Variants in CHD9 observed in about 807,000 individuals in gnomAD.
CHD9 encodes the protein chromodomain helicase DNA binding protein 9, also known as ATP-dependent chromatin remodeler CHD9.
In CHD9, 77 loss-of-function variants were observed where a neutral mutation model predicts 316.1. The observed-to-expected ratio is 0.24, with a 90% CI of 0.20 to 0.29. The LOEUF (loss-of-function observed/expected upper bound fraction) is 0.29. CHD9 is among the 10% of genes least tolerant of loss of function. The pLI is 1.00. For synonymous variants in CHD9, 1,129 were observed against 1,158.3 expected (o/e 0.97, Z 0.51); for missense variants, 2,763 against 3,438.1 (o/e 0.80, Z 4.91).
intron 24 of CHD9, among the ~76,000 whole-genome samples, chr16:53,284,474 A>T (rs1399099193): frequency 6.6e-5 from 10 of 152,080 alleles, no homozygotes; most frequent in South Asian, 2.1e-4. Context: ...AAATGACTTG[A>T]ATCACTGTGG....
At chr16:53,140,358 A>G (rs1301499186) in intron 1 of CHD9, among the ~76,000 whole-genome samples, 1 of 150,630 alleles carries the variant, frequency 6.6e-6, no homozygotes, top group Non-Finnish European at 1.5e-5. Flanking sequence ...CAGAGGTTGC[A>G]ATGAGCTGAG....
chr16:53,176,144 A>G (rs2043083978), intron 2 of CHD9, among the ~76,000 whole-genome samples: 1 of 152,198 alleles, frequency 6.6e-6, no homozygotes, highest in African/African-American at 2.4e-5. Context: ...ACTAAAATCA[A>G]GATGTCAATA....
intron 1 of CHD9, among the ~76,000 whole-genome samples, chr16:53,082,592 A>G: frequency 6.6e-6 from 1 of 152,192 alleles, no homozygotes; most frequent in Non-Finnish European, 1.5e-5. Context: ...AAAGAATTTT[A>G]AGGTTCTCAG....
At chr16:53,263,605 T>C (rs1393514838) in intron 20 of CHD9, among the ~76,000 whole-genome samples, 1 of 152,112 alleles carries the variant, frequency 6.6e-6, no homozygotes, top group Non-Finnish European at 1.5e-5. Flanking sequence ...GACACACTTG[T>C]CTAATAATTG....
At chr16:53,141,064 G>GT (rs1413258197) in intron 1 of CHD9, among the ~76,000 whole-genome samples, 1 of 152,058 alleles carries the variant, frequency 6.6e-6, no homozygotes, top group African/African-American at 2.4e-5. Flanking sequence ...AGATTTCTTT[G>GT]TTTTTTAAAA....
intron 13 of CHD9, among the ~76,000 whole-genome samples, chr16:53,243,513 A>G (rs1419342412): frequency 6.6e-6 from 1 of 152,136 alleles, no homozygotes; most frequent in Non-Finnish European, 1.5e-5. Flanking sequence ...GGGTTTCTCC[A>G]TGTTGGTCAG....
intron 2 of CHD9, among the ~76,000 whole-genome samples, chr16:53,180,012 A>ATTG (rs1235837824): frequency 6.7e-6 from 1 of 149,152 alleles, no homozygotes; most frequent in East Asian, 2.0e-4. Context: ...AAGTTCTTGA[A>ATTG]TTGTTACCTT....
At chr16:53,290,265 T>A (rs1276594228) in intron 27 of CHD9, among the ~76,000 whole-genome samples, 1 of 151,850 alleles carries the variant, frequency 6.6e-6, no homozygotes, top group Admixed American at 6.6e-5. Flanking sequence ...GGGAGACCTG[T>A]CTCAAAAAAA....
chr16:53,067,019 T>G (rs1044349733), intron 1 of CHD9, among the ~76,000 whole-genome samples: 11 of 152,228 alleles, frequency 7.2e-5, no homozygotes, highest in Middle Eastern at 3.2e-3. Flanking sequence ...CTTGGCTCAC[T>G]GCAACCTCTG....
intron 1 of CHD9, among the ~76,000 whole-genome samples, chr16:53,117,120 A>C (rs1004868260): frequency 6.6e-6 from 1 of 152,168 alleles, no homozygotes; most frequent in Non-Finnish European, 1.5e-5. Flanking sequence ...TAGCTAATGC[A>C]TGCTGGGATT....
intron 1 of CHD9, among the ~76,000 whole-genome samples, chr16:53,137,223 C>T (rs1271111027): frequency 1.3e-5 from 2 of 152,126 alleles, no homozygotes; most frequent in Admixed American, 6.5e-5. Context: ...CTGCCCGCCT[C>T]GGCCTCCCAA....
At chr16:53,204,446 A>G (rs981368937) in intron 2 of CHD9, among the ~76,000 whole-genome samples, 8 of 152,206 alleles carry the variant, frequency 5.3e-5, no homozygotes, top group Non-Finnish European at 1.0e-4. Flanking sequence ...TTCCTCATGA[A>G]GGAAAAGGCG....
In CHD9 at chr16:53,267,434, C is replaced by T. The variant is rs61756314; in HGVS notation, c.4461C>T (p.Ser1487=). 1.3e-5 allele frequency: 21 copies of T among 1,611,564 alleles called. No homozygotes were observed. Among genetic ancestry groups the T allele is most frequent in the Non-Finnish European group, 1.7e-5 (20 of 1,178,606 alleles). Residue 1487 remains serine (S), a synonymous_variant, in exon 21 of 39, where the codon TCC becomes TCT. Transcript: ENST00000447540. ...AACTCCGGAGACCCTGTGACCGTTC[C>T]AATGGCTATGGAAGAACTGAATGCT... ...KPKLRRPCDR[S]NGYGRTECFR...
At chr16:53,309,744 G>A (rs1203494528) in intron 34 of CHD9, among the ~76,000 whole-genome samples, 1 of 152,088 alleles carries the variant, frequency 6.6e-6, no homozygotes, top group Non-Finnish European at 1.5e-5. Context: ...TGAGATTACA[G>A]GCATGAGCCA....
rs773807323 is a variant in CHD9, at chr16:53,273,758, A to G, written c.4850A>G (p.Lys1617Arg). 1 of 1,613,192 alleles carries G rather than the reference A, an allele frequency of 6.2e-7. No individual in the cohort carries two copies. The highest frequency in any genetic ancestry group is 1.1e-5 in the South Asian group (1 of 91,036). Residue 1617 changes from lysine (K) to arginine (R), a missense_variant, in exon 23 of 39, where the codon AAA (lysine) becomes AGA (arginine). By Grantham distance (26) the Lys-to-Arg change is conservative. Coordinates refer to ENST00000447540, the MANE Select transcript of CHD9 (RefSeq NM_001308319.2). Reference protein sequence around the residue: ...PEQLLQDEGYKKHIKHHCNKV... With the variant: ...PEQLLQDEGYRKHIKHHCNKV... ...CAGCTCCTTCAAGATGAAGGCTACA[A>G]AAAACATATAAAACACCACTGTAAT... is the stretch of plus-strand genomic sequence containing the variant.
At chr16:53,315,918 G>GC (rs2056846845) in intron 36 of CHD9, among the ~76,000 whole-genome samples, 2 of 152,104 alleles carry the variant, frequency 1.3e-5, no homozygotes, top group Non-Finnish European at 2.9e-5. Context: ...TAGCTTCTAT[G>GC]CCCCTCCAGA....
intron 25 of CHD9, 31 bp from the exon 26 acceptor site, chr16:53,286,195 T>C (rs1461592129): frequency 7.6e-7 from 1 of 1,313,990 alleles, no homozygotes; most frequent in Non-Finnish European, 1.1e-6. Context: ...CTTTTTATCT[T>C]TTTTACTTTT....
Position 53,245,651 on chromosome 16 carries a change from T to C in CHD9, c.3255T>C (p.Asp1085=). The change falls in exon 15 of 39, where the codon GAT becomes GAC. Residue 1085 remains aspartate, a synonymous_variant. Coordinates refer to ENST00000447540, the MANE Select transcript of CHD9 (RefSeq NM_001308319.2). The surrounding 1 kb of genome is among the most constrained non-coding windows in gnomAD (Gnocchi z 4.1). ...TGATGTTGAGACGATTAAAAGAAGATGTGGAAAAGAAGTTGGCACCTAAAG... is the reference window on the plus strand; with the variant it reads ...TGATGTTGAGACGATTAAAAGAAGACGTGGAAAAGAAGTTGGCACCTAAAG... ...KPMMLRRLKE[D]VEKKLAPKEE... is the part of the protein sequence containing the mutation. 1 of 1,606,598 alleles carries C rather than the reference T, an allele frequency of 6.2e-7. No homozygotes were observed. The highest frequency in any genetic ancestry group is 1.1e-5 in the South Asian group (1 of 89,362).
rs769382413 is a variant in CHD9 at position 53,325,081 on chromosome 16, G to A, written c.*186G>A. 4.1e-4 allele frequency: 218 copies of A among 526,052 alleles called. 3 individuals are homozygous for A. Among genetic ancestry groups the A allele is most frequent in the Admixed American group, 3.9e-4 (11 of 28,350 alleles). The allele number at this position is 526,052 out of a possible 1,614,324, so 32.6% of individuals were successfully genotyped here. ...TATTTCTTAAGATTCATAAGTTTCT[G>A]AACTCGTATGTACTATCAAATACAT... On this transcript the variant is annotated 3_prime_UTR_variant, in exon 39 of 39. Coordinates refer to ENST00000447540, the MANE Select transcript of CHD9 (RefSeq NM_001308319.2).
Sources: allele counts gnomAD v4.1 joint callset (sites outside exome capture counted in the v4.1 genomes callset), GRCh38; gene constraint gnomAD v4.1.1; non-coding constraint Gnocchi (gnomAD v3.1); transcripts MANE v1.5; gene names NCBI Gene and HGNC (gene_info 2026-07-23, HGNC 2026-07-21).